Variants in TOP1MT observed in about 807,000 individuals in gnomAD.
TOP1MT encodes DNA topoisomerase I mitochondrial, also known as DNA topoisomerase I, mitochondrial.
In TOP1MT, 80 loss-of-function variants were observed where a neutral mutation model predicts 73.9. The ratio of observed to expected loss-of-function variants is 1.08; its 90% CI spans 0.90 to 1.30. The LOEUF (loss-of-function observed/expected upper bound fraction) is 1.30. Among genes scored for constraint, TOP1MT ranks in the 50% most tolerant of loss-of-function variants. The pLI is 0.00. For synonymous variants in TOP1MT, 338 were observed against 326.4 expected (o/e 1.04, Z -0.38); for missense variants, 815 against 808.0 (o/e 1.01, Z -0.10).
rs1816850245 is a variant in TOP1MT at position 143,331,355 on chromosome 8, G to A, written c.123-16C>T. The A allele has an allele frequency of 1.2e-6, 2 of 1,602,902 alleles. No homozygotes were observed. The highest frequency in any genetic ancestry group is 2.7e-5 in the African/African-American group (2 of 74,880). ...CTTCTCCCACCTAAAGACGGAGACA[G>A]GACGTGTCACTCTCCTGGGCCAGGC... On this transcript the variant is annotated splice_polypyrimidine_tract_variant and intron_variant, in intron 1 of 13. Coordinates refer to ENST00000329245, the MANE Select transcript of TOP1MT (RefSeq NM_052963.3).
chr8:143,336,502 C>T (rs1158437388), upstream of TOP1MT, among the ~76,000 whole-genome samples: 2 of 152,128 alleles, frequency 1.3e-5, no homozygotes, highest in African/African-American at 2.4e-5. Flanking sequence ...AAAGACTGGA[C>T]GCTCCTGCTG....
In TOP1MT at chr8:143,321,237, G is replaced by A. The variant is rs1816332921; in HGVS notation, c.1110C>T (p.Cys370=). The stretch of plus-strand genomic sequence containing the variant: ...CCGGCACTCTGTTGTAGTAGCGGAT[G>A]CAGTCCTTCCCCAGGAAGTCAAATT... ...VVEFDFLGKD[C]IRYYNRVPVE... The change falls in exon 8 of 14, where the codon TGC becomes TGT. Residue 370 remains cysteine, a synonymous_variant. Transcript: ENST00000329245. The A allele has an allele frequency of 6.2e-7, 1 of 1,611,366 alleles. No homozygotes were observed.
intron 10 of TOP1MT, 100 bp from the exon 11 acceptor site, chr8:143,316,226 C>T (rs2293926): frequency 0.45 from 703,519 of 1,565,310 alleles, 168,482 homozygotes; most frequent in East Asian, 0.7. Flanking sequence ...CAGCCCCTTC[C>T]ACTCACACAG....
chr8:143,327,315 C>T (rs867954886), intron 3 of TOP1MT: 3 of 152,476 alleles, frequency 2.0e-5, no homozygotes, highest in Admixed American at 6.5e-5. Flanking sequence ...GAGGGAGAGC[C>T]GCAGATCACA....
At chr8:143,330,200 T>C (rs575113206) in intron 2 of TOP1MT, among the ~76,000 whole-genome samples, 1 of 152,332 alleles carries the variant, frequency 6.6e-6, no homozygotes, top group East Asian at 1.9e-4. Context: ...CAGCTCCCAC[T>C]GCCCCTCTGT....
At chr8:143,315,623 C>T (rs1816136338) in intron 12 of TOP1MT, 104 bp downstream of exon 12, 4 of 751,986 alleles carry the variant, frequency 5.3e-6, no homozygotes, top group Non-Finnish European at 8.7e-6. Context: ...CTCGTCTCCG[C>T]ACAAGGAGAC....
chr8:143,334,558 G>T (rs922256807), intron 1 of TOP1MT, among the ~76,000 whole-genome samples, 182 bp downstream of exon 1: 1 of 152,226 alleles, frequency 6.6e-6, no homozygotes, highest in Non-Finnish European at 1.5e-5. Context: ...TCATGGGGGG[G>T]CCTGTACACC....
chr8:143,318,150 G>A (rs2129969097), intron 8 of TOP1MT, 64 bp from the exon 9 acceptor site: 1 of 1,515,598 alleles, frequency 6.6e-7, no homozygotes, highest in South Asian at 1.1e-5. Flanking sequence ...GACCTGAAGG[G>A]CGTCTACGCA....
At chr8:143,334,681 T>C (rs1397687124) in intron 1 of TOP1MT, 59 bp downstream of exon 1, 3 of 1,587,840 alleles carry the variant, frequency 1.9e-6, no homozygotes, top group South Asian at 1.1e-5. Flanking sequence ...CTCCCCTTTC[T>C]GGACCTACCC....
chr8:143,347,818 G>A (rs922036280), upstream of TOP1MT, among the ~76,000 whole-genome samples: 49 of 152,170 alleles, frequency 3.2e-4, no homozygotes, highest in Non-Finnish European at 8.8e-5. Context: ...TGGGCTGTGC[G>A]GGACCACCGC....
rs1040110232 is a variant in TOP1MT, at chr8:143,342,838, G to A, written c.29+382C>T. Among the ~76,000 whole-genome samples the A allele has an allele frequency of 1.8e-4, 25 of 142,104 alleles. 1 individual carries two copies. Among genetic ancestry groups the A allele is most frequent in the African/African-American group, 6.3e-4 (23 of 36,430 alleles). 93.2% of individuals were successfully genotyped at this position (142,104 alleles called of 152,430 possible). ...CTCGCTCTGTCACCCAGGCTGGAGT[G>A]CAGTGGCGTGATCTCGGCTCACTGC... is the stretch of plus-strand genomic sequence containing the variant. On this transcript the variant is annotated intron_variant, in intron 2 of 5. Coordinates refer to the TOP1MT transcript ENST00000518007.
intron 12 of TOP1MT, among the ~76,000 whole-genome samples, chr8:143,313,894 A>G (rs1426059150): frequency 6.6e-6 from 1 of 151,800 alleles, no homozygotes; most frequent in Non-Finnish European, 1.5e-5. Flanking sequence ...AAGACAACCC[A>G]AGAGTGGGCG....
intron 8 of TOP1MT, among the ~76,000 whole-genome samples, chr8:143,319,521 C>T (rs1029624969): frequency 4.7e-5 from 7 of 148,186 alleles, no homozygotes; most frequent in African/African-American, 1.2e-4. Context: ...AACGTCACTG[C>T]GACGTGGCGC....
chr8:143,351,120 G>T (rs1483749243), intron 1 of TOP1MT, among the ~76,000 whole-genome samples: 1 of 152,136 alleles, frequency 6.6e-6, no homozygotes, highest in African/African-American at 2.4e-5. Context: ...TACCCCCGAT[G>T]TCTCCTCATG....
At chr8:143,354,451 G>T (rs534194644) in intron 1 of TOP1MT, among the ~76,000 whole-genome samples, 1 of 152,088 alleles carries the variant, frequency 6.6e-6, no homozygotes, top group African/African-American at 2.4e-5. Context: ...GGTGGCTCAC[G>T]CCTGTAATCC....
upstream of TOP1MT, among the ~76,000 whole-genome samples, chr8:143,358,939 G>T (rs765490109): frequency 6.6e-6 from 1 of 152,154 alleles, no homozygotes; most frequent in Non-Finnish European, 1.5e-5. Flanking sequence ...GCATATTCCT[G>T]GGTGTGATAT....
chr8:143,309,470 C>CGAGA lies in TOP1MT; in HGVS notation c.1773_1776dup (p.Ala593SerfsTer9). 2 of 1,613,882 alleles carry CGAGA rather than the reference C, an allele frequency of 1.2e-6. No individual in the cohort carries two copies. The highest frequency in any genetic ancestry group is 1.7e-6 in the Non-Finnish European group (2 of 1,180,026). On this transcript the variant is annotated frameshift_variant, in exon 14 of 14. Transcript: ENST00000329245. LOFTEE classifies it high-confidence loss of function. ...AATTCAAAGTCTTCTCCTGCCATGGCGAGAGCCCAGGCGAACCTCTCCCGC... is the reference window on the plus strand; with the variant it reads ...AATTCAAAGTCTTCTCCTGCCATGGCGAGAGAGAGCCCAGGCGAACCTCTCCCGC...
At chr8:143,324,248 G>A (rs964060458) in intron 6 of TOP1MT, 106 bp from the exon 7 acceptor site, 23 of 1,499,438 alleles carry the variant, frequency 1.5e-5, no homozygotes, top group Non-Finnish European at 2.0e-5. Flanking sequence ...CCACTCAGTG[G>A]TGCCGTGGTC....
chr8:143,352,879 C>T (rs1160708721), intron 1 of TOP1MT, among the ~76,000 whole-genome samples: 3 of 152,226 alleles, frequency 2.0e-5, no homozygotes, highest in African/African-American at 4.8e-5. Flanking sequence ...CCTGCCTCAG[C>T]CTCCCAAAGT....
Sources: allele counts gnomAD v4.1 joint callset (sites outside exome capture counted in the v4.1 genomes callset), GRCh38; gene constraint gnomAD v4.1.1; transcripts MANE v1.5; gene names NCBI Gene and HGNC (gene_info 2026-07-23, HGNC 2026-07-21).